SMC1A: variants seen among roughly 807,000 people sequenced by gnomAD.
The protein encoded by SMC1A is structural maintenance of chromosomes protein 1A.
Under a neutral mutation model 94.5 loss-of-function variants are expected in SMC1A, and 4 were observed. That is an observed-to-expected ratio of 0.04 (90% CI 0.02 to 0.10). The LOEUF is 0.10. SMC1A is among the 10% of genes least tolerant of loss of function. The probability of loss-of-function intolerance (pLI) is 1.00; values close to 1 mark genes in which losing one functional copy is unlikely to be tolerated. For missense variants in SMC1A, 304 were observed against 989.0 expected (o/e 0.31, Z 9.29); for synonymous variants, 345 against 347.7 (o/e 0.99, Z 0.09).
intron 19 of SMC1A, among the ~76,000 whole-genome samples, chrX:53,390,973 C>CAAAAAAAAAAAAAA (rs782771730): frequency 1.2e-4 from 4 of 34,325 alleles, no homozygotes; most frequent in African/African-American, 2.8e-4. Flanking sequence ...GACTCCGTCT[C>CAAAAAAAAAAAAAA]AAAAAAAAAA....
rs782249228 is a variant in SMC1A, at chrX:53,383,450, GGCTGCTTTCTAATCTCTA to G, written c.2974-215_2974-198del. On this transcript the variant is annotated intron_variant, in intron 19 of 24. Coordinates refer to ENST00000322213, the MANE Select transcript of SMC1A (RefSeq NM_006306.4). ...ACCATCTCTGGAAATTATAGGCTGAGGCTGCTTTCTAATCTCTAGCTGCTTTCTAATCTCTAGCCCTTC... is the reference window on the plus strand; with the variant it reads ...ACCATCTCTGGAAATTATAGGCTGAGGCTGCTTTCTAATCTCTAGCCCTTC... 5.4e-5 allele frequency among the ~76,000 whole-genome samples: 6 copies of G among 111,971 alleles called. No individual in the cohort carries two copies. The East Asian group carries it at 8.5e-4, about 16-fold the overall frequency.
chrX:53,400,485 A>C (rs1423084162), intron 15 of SMC1A, among the ~76,000 whole-genome samples: 1 of 111,725 alleles, frequency 9.0e-6, no homozygotes, highest in Non-Finnish European at 1.9e-5. Context: ...TTAGAACCAC[A>C]CCGAGTCCAC....
intron 15 of SMC1A, 122 bp from the exon 16 acceptor site, chrX:53,399,852 T>A: frequency 1.5e-6 from 1 of 686,162 alleles, no homozygotes; most frequent in African/African-American, 2.2e-5. Flanking sequence ...CCAGAGTTAC[T>A]GATTTTCAGT....
chrX:53,404,880 A>G (rs2075685247), intron 13 of SMC1A, 132 bp downstream of exon 13: 1 of 738,862 alleles, frequency 1.4e-6, no homozygotes. Flanking sequence ...GTCTGACTCT[A>G]TGCTATACCT....
chrX:53,409,911 A>T (rs1556890270), intron 7 of SMC1A, among the ~76,000 whole-genome samples: 1 of 112,342 alleles, frequency 8.9e-6, no homozygotes, highest in African/African-American at 3.2e-5. Flanking sequence ...CATTATTTTT[A>T]AAAAATTTTT....
At chrX:53,394,996 G>C in intron 18 of SMC1A, 108 bp from the exon 19 acceptor site, 1 of 532,278 alleles carries the variant, frequency 1.9e-6, no homozygotes, top group Non-Finnish European at 3.4e-6. Context: ...TTGCTAGAAA[G>C]CACCATGGCA....
chrX:53,381,881 G>A, intron 22 of SMC1A: 1 of 313,501 alleles, frequency 3.2e-6, no homozygotes, highest in Non-Finnish European at 5.8e-6. Context: ...ATCAAGGAGG[G>A]CTTCCTAAAG....
At chrX:53,417,046 A>T (rs977928262) in intron 1 of SMC1A, among the ~76,000 whole-genome samples, 1 of 109,322 alleles carries the variant, frequency 9.1e-6, no homozygotes, top group Non-Finnish European at 1.9e-5. Flanking sequence ...GTGGCCTCCC[A>T]AAGTGCTGGG....
rs5978164 is a variant in SMC1A, at chrX:53,390,262, C to T, written c.2973+4516G>A. On this transcript the variant is annotated intron_variant, in intron 19 of 24. Coordinates refer to ENST00000322213, the MANE Select transcript of SMC1A (RefSeq NM_006306.4). ...CAGCACTTTGGGAGGCCAAGGCGGG[C>T]GGATCACGAGGTCAGGAGTTCGAGA... 2.8e-5 allele frequency among the ~76,000 whole-genome samples: 3 copies of T among 105,745 alleles called. No individual in the cohort carries two copies. In the East Asian group the frequency reaches 9.6e-4, roughly 34 times the overall value. 91.8% of individuals were successfully genotyped at this position (105,745 alleles called of 115,157 possible). A position where few individuals can be genotyped will look rare whatever the true frequency, so the allele number is the denominator to read the frequency against.
Position 53,380,012 on chromosome X carries a change from G to A in SMC1A, c.*91C>T, listed in dbSNP as rs2075575891. Reference sequence around the variant, plus strand: ...CCCATGACTACACCAAAAAGGGCCAGGAGGTAGGGGGAAGGTTGGGAGTCA... The same window carrying A: ...CCCATGACTACACCAAAAAGGGCCAAGAGGTAGGGGGAAGGTTGGGAGTCA... On this transcript the variant is annotated 3_prime_UTR_variant, in exon 25 of 25. Coordinates refer to ENST00000322213, the MANE Select transcript of SMC1A (RefSeq NM_006306.4). 3 of 631,255 alleles carry A rather than the reference G, an allele frequency of 4.8e-6. No individual in the cohort carries two copies. The Admixed American group carries it at 7.7e-5, about 16-fold the overall frequency. 52.0% of individuals were successfully genotyped at this position (631,255 alleles called of 1,213,427 possible). A position where few individuals can be genotyped will look rare whatever the true frequency, so the allele number is the denominator to read the frequency against.
In SMC1A at chrX:53,396,244, C is replaced by G; in HGVS notation, c.2845G>C (p.Asp949His). Residue 949 changes from aspartate (D) to histidine (H), a missense_variant, in exon 18 of 25, where the codon GAT (aspartate) becomes CAT (histidine). Around this residue, in one of 11 missense-constraint regions of SMC1A, gnomAD observed 22 missense variants for 17.5 expected, o/e 1.26. Transcript: ENST00000322213. ...ATACTCACCTCTTCCTGACTAATAT[C>G]ATCCATGGTGCCTTTTGACAGTGGC... ...KLPLSKGTMD[D>H]ISQEEGSSQG... The G allele has an allele frequency of 8.3e-7, 1 of 1,211,449 alleles. No individual in the cohort carries two copies. The highest frequency in any genetic ancestry group is 1.1e-6 in the Non-Finnish European group (1 of 895,446).
At position 53,377,468 on chromosome X, in the gene SMC1A, A is replaced by C. The variant is rs1411495194; in HGVS notation, c.*2635T>G. On this transcript the variant is annotated 3_prime_UTR_variant, in exon 25 of 25. Transcript: ENST00000322213. The stretch of plus-strand genomic sequence containing the variant: ...TGCAAGCAGGGAACTGCTGCTTCTC[A>C]TTATAAGCCCTTCTGTACTATTTTA... The C allele has an allele frequency of 8.9e-6, 1 of 112,534 alleles. No individual in the cohort carries two copies. The highest frequency in any genetic ancestry group is 3.2e-5 in the African/African-American group (1 of 30,955). The allele number at this position is 112,534 out of a possible 1,213,427, so 9.3% of individuals were successfully genotyped here.
At chrX:53,398,951 G>A (rs1222812275) in intron 16 of SMC1A, among the ~76,000 whole-genome samples, 1 of 111,438 alleles carries the variant, frequency 9.0e-6, no homozygotes, top group South Asian at 3.8e-4. Flanking sequence ...AAGAATACTC[G>A]TCTCCTGGCC....
chrX:53,418,912 G>A (rs1324130341), intron 1 of SMC1A, among the ~76,000 whole-genome samples: 1 of 108,995 alleles, frequency 9.2e-6, no homozygotes, highest in Non-Finnish European at 1.9e-5. Context: ...GCACGGTTGT[G>A]TGCCTATAAT....
rs974035422 is a variant in SMC1A, at chrX:53,414,988, G to C, written c.291C>G (p.Val97=). ...EGAEDRTFAR[V]IVGGSSEYKI... is the part of the protein sequence containing the mutation. ...CTGGCCAGCCTCACCCACCTACAAT[G>C]ACACGGGCAAAGGTACGGTCCTCAG... Residue 97 remains valine (V), a synonymous_variant, in exon 2 of 25, where the codon GTC becomes GTG. Transcript: ENST00000322213. 1 of 1,208,893 alleles carries C rather than the reference G, an allele frequency of 8.3e-7. No individual in the cohort carries two copies. The highest frequency in any genetic ancestry group is 1.8e-5 in the African/African-American group (1 of 57,009).
At chrX:53,422,449 C>T (rs782541434) in intron 1 of SMC1A, 43 bp downstream of exon 1, 19 of 917,691 alleles carry the variant, frequency 2.1e-5, no homozygotes, top group African/African-American at 3.9e-5. Context: ...GATAAGGGGT[C>T]CAGGCCGGGA....
Position 53,414,851 on chromosome X carries a change from C to T in SMC1A, c.318G>A (p.Lys106=). The change falls in exon 3 of 25, where the codon AAG becomes AAA. Residue 106 remains lysine (K), a synonymous_variant. Coordinates refer to ENST00000322213, the MANE Select transcript of SMC1A (RefSeq NM_006306.4). ...GTAGTTGGACCACTTTGTTGTTGATCTTGTACTCAGAAGAACCTCCTACAA... is the reference window on the plus strand; with the variant it reads ...GTAGTTGGACCACTTTGTTGTTGATTTTGTACTCAGAAGAACCTCCTACAA... The part of the protein sequence containing the change: ...RVIVGGSSEY[K]INNKVVQLHE... The T allele has an allele frequency of 1.1e-5, 13 of 1,206,458 alleles. No homozygotes were observed. Among genetic ancestry groups the T allele is most frequent in the Non-Finnish European group, 1.5e-5 (13 of 890,674 alleles).
At chrX:53,394,039 C>T (rs2075639998) in intron 19 of SMC1A, among the ~76,000 whole-genome samples, 2 of 106,333 alleles carry the variant, frequency 1.9e-5, no homozygotes, top group Non-Finnish European at 3.8e-5. Flanking sequence ...ATCTCAGCTA[C>T]TTGGGAGGCT....
Position 53,412,937 on chromosome X carries a change from T to C in SMC1A, c.817A>G (p.Met273Val). The C allele has an allele frequency of 8.4e-7, 1 of 1,194,347 alleles. No homozygotes were observed. Among genetic ancestry groups the C allele is most frequent in the East Asian group, 3.0e-5 (1 of 33,689 alleles). Residue 273 changes from methionine to valine, a missense_variant, in exon 5 of 25, where the codon ATG becomes GTG. Physicochemically the swap from Met to Val is conservative, Grantham distance 21. Coordinates refer to ENST00000322213, the MANE Select transcript of SMC1A (RefSeq NM_006306.4). ...LKEKKKELGK[M>V]MREQQQIEKE... ...TCAATCTGCTGCTGCTCCCGCATCATTTTGCCCAGCTCCTTCTTCTTCTCC... is the reference window on the plus strand; with the variant it reads ...TCAATCTGCTGCTGCTCCCGCATCACTTTGCCCAGCTCCTTCTTCTTCTCC...
Sources: allele counts gnomAD v4.1 joint callset (sites outside exome capture counted in the v4.1 genomes callset), GRCh38; gene constraint gnomAD v4.1.1; regional missense constraint gnomAD v4.1.1; transcripts MANE v1.5; gene names NCBI Gene and HGNC (gene_info 2026-07-23, HGNC 2026-07-21).